Variants in TTC6 observed in about 807,000 individuals in gnomAD.
TTC6 encodes the protein tetratricopeptide repeat domain 6.
TTC6 carries 172 observed loss-of-function variants against 210.4 expected under a neutral mutation model. The ratio of observed to expected loss-of-function variants is 0.82; its 90% CI spans 0.72 to 0.93. TTC6 has a LOEUF of 0.93. Among genes scored for constraint, TTC6 ranks in the 40% least tolerant of loss-of-function variants. The pLI, the probability that TTC6 is intolerant of heterozygous loss-of-function variation, is 0.00. For synonymous variants in TTC6, 804 were observed against 819.6 expected, an observed-to-expected ratio of 0.98 and a Z score of 0.32; for missense variants, 2,414 against 2,318.1, an observed-to-expected ratio of 1.04 and a Z score of -0.85.
chr14:37,825,455 G>A (rs2096168677), intron 27 of TTC6, among the ~76,000 whole-genome samples: 1 of 151,990 alleles, frequency 6.6e-6, no homozygotes, highest in Non-Finnish European at 1.5e-5. Flanking sequence ...CCGAGATCTG[G>A]CAAGATGGGT....
chr14:37,784,061 A>G (rs921319434), intron 14 of TTC6, among the ~76,000 whole-genome samples: 1 of 152,154 alleles, frequency 6.6e-6, no homozygotes, highest in Non-Finnish European at 1.5e-5. Flanking sequence ...CTGTGTGGTC[A>G]ATTTTGGAAT....
exon 11 of TTC6, chr14:37,749,108 G>A (rs750390736): frequency 9.8e-6 from 15 of 1,535,746 alleles, no homozygotes; most frequent in African/African-American, 5.5e-5. Flanking sequence ...ATGGGCTCTT[G>A]ATAGGCTCAT....
chr14:37,793,865 G>A (rs2139350561), intron 17 of TTC6, among the ~76,000 whole-genome samples: 1 of 152,258 alleles, frequency 6.6e-6, no homozygotes, highest in Middle Eastern at 3.4e-3. Flanking sequence ...AGCTGACTTG[G>A]AAGGTTTTCC....
At chr14:37,625,487 G>A (rs1186093917) in intron 1 of TTC6, among the ~76,000 whole-genome samples, 1 of 151,424 alleles carries the variant, frequency 6.6e-6, no homozygotes, top group African/African-American at 2.4e-5. Flanking sequence ...GGCGGAGGTT[G>A]CAGTGAGCCT....
Position 37,701,529 on chromosome 14 carries a change from A to G in TTC6, c.1571+3A>G, listed in dbSNP as rs1302276262. 7.0e-7 allele frequency: 1 copy of G among 1,434,074 alleles called. No individual in the cohort carries two copies. The highest frequency in any genetic ancestry group is 9.1e-7 in the Non-Finnish European group (1 of 1,100,098). The allele number at this position is 1,434,074 out of a possible 1,614,324, so 88.8% of individuals were successfully genotyped here. ...ACAGATGAAGAACAAACAGATAGGT[A>G]AGAGTTCCACTGGTAATTTGATTTT... On this transcript the variant is annotated splice_donor_region_variant and intron_variant, in intron 5 of 30. Transcript: ENST00000553443.
At chr14:37,610,830 A>C (rs2095633086) in intron 2 of TTC6, among the ~76,000 whole-genome samples, 1 of 152,204 alleles carries the variant, frequency 6.6e-6, no homozygotes, top group African/African-American at 2.4e-5. Context: ...GAAATCATAC[A>C]TTATGTACCC....
At chr14:37,640,884 C>T (rs557127449) in intron 1 of TTC6, among the ~76,000 whole-genome samples, 26 of 152,108 alleles carry the variant, frequency 1.7e-4, no homozygotes, top group Non-Finnish European at 3.5e-4. Context: ...AAGGACTTGT[C>T]CAAGGCCTTA....
chr14:37,642,971 T>A (rs541433267), intron 1 of TTC6, among the ~76,000 whole-genome samples: 5 of 152,218 alleles, frequency 3.3e-5, no homozygotes, highest in African/African-American at 1.2e-4. Context: ...GGGTCTGTCA[T>A]TGACTGAAAT....
intron 7 of TTC6, among the ~76,000 whole-genome samples, chr14:37,727,034 TA>T (rs1290073552): frequency 6.6e-6 from 1 of 151,918 alleles, no homozygotes; most frequent in Non-Finnish European, 1.5e-5. Flanking sequence ...TTTGTCAGAC[TA>T]GTATACTCAT....
At chr14:37,757,843 A>G (rs2095972642) in intron 14 of TTC6, among the ~76,000 whole-genome samples, 1 of 150,796 alleles carries the variant, frequency 6.6e-6, no homozygotes, top group Admixed American at 6.6e-5. Flanking sequence ...TTTCCCTCTT[A>G]ACTTTAGCTG....
chr14:37,724,844 A>T lies in TTC6; in HGVS notation c.1714-54A>T, dbSNP rs1401167891. On this transcript the variant is annotated intron_variant, in intron 6 of 30. Transcript: ENST00000553443. ...AATTTTGACAGGAGATTGAGTTTTT[A>T]CTCTCAAGGCCATTTCTTACCATTT... 2.4e-5 allele frequency: 26 copies of T among 1,064,260 alleles called. No homozygotes were observed. In the South Asian group the frequency reaches 4.7e-4, roughly 19 times the overall value. 65.9% of individuals were successfully genotyped at this position (1,064,260 alleles called of 1,614,324 possible).
chr14:37,674,409 A>G (rs940672067), intron 1 of TTC6, among the ~76,000 whole-genome samples: 1 of 152,174 alleles, frequency 6.6e-6, no homozygotes, highest in South Asian at 2.1e-4. Flanking sequence ...TGATGGTACC[A>G]ATAGGCATCC....
intron 14 of TTC6, among the ~76,000 whole-genome samples, chr14:37,756,635 G>A (rs2095968614): frequency 2.0e-5 from 3 of 152,184 alleles, no homozygotes; most frequent in African/African-American, 7.2e-5. Context: ...TTCTATTTAT[G>A]TGATGGATTA....
intron 1 of TTC6, among the ~76,000 whole-genome samples, chr14:37,653,582 C>T (rs2095716701): frequency 6.7e-6 from 1 of 148,532 alleles, no homozygotes; most frequent in South Asian, 2.1e-4. Context: ...CTGCTATGGT[C>T]GGGGAGAGAT....
At chr14:37,608,941 T>C (rs997978560) in intron 2 of TTC6, among the ~76,000 whole-genome samples, 1 of 152,232 alleles carries the variant, frequency 6.6e-6, no homozygotes, top group Non-Finnish European at 1.5e-5. Context: ...AGTGTTTCAA[T>C]GACTACTTGA....
chr14:37,760,264 T>C (rs1034802344), intron 14 of TTC6, among the ~76,000 whole-genome samples: 1 of 152,220 alleles, frequency 6.6e-6, no homozygotes, highest in Non-Finnish European at 1.5e-5. Flanking sequence ...GCCCCTGTTC[T>C]GTAGGTCTGC....
At chr14:37,742,297 G>A (rs1042402361) in intron 10 of TTC6, among the ~76,000 whole-genome samples, 2 of 152,152 alleles carry the variant, frequency 1.3e-5, no homozygotes, top group Non-Finnish European at 2.9e-5. Context: ...GGCTCATCTT[G>A]TGCTGCTGCA....
Position 37,812,451 on chromosome 14 carries a change from G to A in TTC6, c.4689+18G>A. Reference sequence around the variant, plus strand: ...CACTAGAGGTAAGCCTTCCTGTTGTGTAACCCACTTGATTTTGCACATTGA... The same window carrying A: ...CACTAGAGGTAAGCCTTCCTGTTGTATAACCCACTTGATTTTGCACATTGA... On this transcript the variant is annotated intron_variant, in intron 25 of 30. Transcript: ENST00000553443. 9 of 1,563,484 alleles carry A rather than the reference G, an allele frequency of 5.8e-6. No homozygotes were observed. The highest frequency in any genetic ancestry group is 1.4e-5 in the African/African-American group (1 of 72,676).
intron 2 of TTC6, among the ~76,000 whole-genome samples, chr14:37,610,886 C>G (rs1566837610): frequency 6.6e-6 from 1 of 152,194 alleles, no homozygotes; most frequent in Non-Finnish European, 1.5e-5. Flanking sequence ...GTGAGACGTT[C>G]ATCTGTGTTG....
Sources: allele counts gnomAD v4.1 joint callset (sites outside exome capture counted in the v4.1 genomes callset), GRCh38; gene constraint gnomAD v4.1.1; transcripts MANE v1.5; gene names NCBI Gene and HGNC (gene_info 2026-07-23, HGNC 2026-07-21).